The following CACNA1A variants were observed in gnomAD, a reference collection of about 807,000 sequenced individuals.
CACNA1A encodes calcium voltage-gated channel subunit alpha1 A, also known as voltage-dependent P/Q-type calcium channel subunit alpha-1A.
Under a neutral mutation model 262.4 loss-of-function variants are expected in CACNA1A, and 57 were observed. The ratio of observed to expected loss-of-function variants is 0.22; its 90% CI spans 0.18 to 0.27. The LOEUF is 0.27. CACNA1A is among the 10% of genes least tolerant of loss of function. The pLI is 1.00. For synonymous variants in CACNA1A, 1,431 were observed against 1,419.3 expected (o/e 1.01, Z -0.18); for missense variants, 2,526 against 3,562.8 (o/e 0.71, Z 7.41).
rs41276886 is a variant in CACNA1A at position 13,317,310 on chromosome 19, C to T, written c.1357G>A (p.Ala453Thr). 5.0e-3 allele frequency: 8,038 copies of T among 1,600,748 alleles called. 32 individuals carry two copies. Among genetic ancestry groups the T allele is most frequent in the Non-Finnish European group, 5.5e-3 (6,392 of 1,169,006 alleles). ...ADIASVGSPF[A>T]RASIKSAKLE... ...TTGGCACTTTTAATGCTGGCTCGGGCGAAGGGAGAACCTGCCAGGGAAAAG... is the reference window on the plus strand; with the variant it reads ...TTGGCACTTTTAATGCTGGCTCGGGTGAAGGGAGAACCTGCCAGGGAAAAG... Residue 453 changes from alanine to threonine, a missense_variant, in exon 11 of 47, where the codon GCC (alanine) becomes ACC (threonine). Physicochemically the swap from Ala to Thr is moderately conservative, Grantham distance 58. Around this residue, in one of 17 missense-constraint regions of CACNA1A, gnomAD observed 104 missense variants for 127.6 expected, o/e 0.81. Transcript: ENST00000360228.
intron 2 of CACNA1A, 140 bp from the exon 3 acceptor site, chr19:13,453,155 T>A: frequency 1.2e-6 from 1 of 800,462 alleles, no homozygotes; most frequent in Non-Finnish European, 2.0e-6. Flanking sequence ...CCTCACTGCC[T>A]CTTGCAGAGT....
intron 10 of CACNA1A, among the ~76,000 whole-genome samples, chr19:13,319,525 C>G (rs567039228): frequency 9.7e-4 from 148 of 152,244 alleles, no homozygotes; most frequent in African/African-American, 3.5e-3. Flanking sequence ...TCAAAACCAC[C>G]CCACTTGCCA....
chr19:13,312,844 G>C, intron 11 of CACNA1A, 63 bp from the exon 12 acceptor site: 2 of 781,032 alleles, frequency 2.6e-6, no homozygotes, highest in Non-Finnish European at 4.1e-6. Context: ...GGTTCCAGGT[G>C]GCTCTGACTT....
intron 24 of CACNA1A, chr19:13,272,630 A>T (rs932566127): frequency 6.6e-6 from 1 of 152,244 alleles, no homozygotes; most frequent in African/African-American, 2.4e-5. Flanking sequence ...AGAGGAAAAT[A>T]AAAAGATAGA....
intron 30 of CACNA1A, among the ~76,000 whole-genome samples, chr19:13,245,908 G>A (rs1332890452): frequency 6.6e-6 from 1 of 152,154 alleles, no homozygotes; most frequent in African/African-American, 2.4e-5. Context: ...CTGACCTCAA[G>A]TGATCTGCTC....
intron 24 of CACNA1A, chr19:13,273,317 T>G (rs4926252): frequency 0.48 from 73,442 of 151,922 alleles, 18,332 homozygotes; most frequent in East Asian, 0.62. Flanking sequence ...AAATCATTTT[T>G]TGTGTGTGTG....
intron 36 of CACNA1A, chr19:13,228,791 G>T: frequency 6.3e-7 from 1 of 1,578,254 alleles, no homozygotes; most frequent in South Asian, 1.1e-5. Context: ...TAATGAATCC[G>T]ACCGCTGAAA....
chr19:13,402,871 C>CATATAT (rs1483072251), intron 3 of CACNA1A, among the ~76,000 whole-genome samples: 1 of 64,212 alleles, frequency 1.6e-5, no homozygotes, highest in African/African-American at 8.9e-5. Flanking sequence ...CACACACACA[C>CATATAT]ACATATATAT....
intron 8 of CACNA1A, 69 bp downstream of exon 8, chr19:13,334,309 T>G: frequency 1.1e-6 from 1 of 883,188 alleles, no homozygotes; most frequent in South Asian, 1.3e-5. Context: ...TTCTCCAAAC[T>G]GCATGACTCT....
rs1394628574 is a variant in CACNA1A at position 13,386,779 on chromosome 19, C to T, written c.540-15000G>A. Among the ~76,000 whole-genome samples the T allele has an allele frequency of 1.5e-4, 23 of 151,868 alleles. 1 individual carries two copies. In the East Asian group the frequency reaches 3.3e-3, roughly 22 times the overall value. On this transcript the variant is annotated intron_variant, in intron 3 of 46. Coordinates refer to ENST00000360228, the MANE Select transcript of CACNA1A (RefSeq NM_001127222.2). ...CTGCACTCCAGCCTGGGCGACAGAG[C>T]GGGACTCTGTCTGAAGGAAAAAAAG... is the stretch of plus-strand genomic sequence containing the variant.
intron 24 of CACNA1A, among the ~76,000 whole-genome samples, chr19:13,263,772 T>C (rs2056797013): frequency 2.6e-5 from 4 of 151,560 alleles, no homozygotes; most frequent in Non-Finnish European, 5.9e-5. Context: ...CCACCCACCT[T>C]GGCCTCCCAA....
At chr19:13,388,242 C>CTT (rs1568597646) in intron 3 of CACNA1A, among the ~76,000 whole-genome samples, 1 of 128,380 alleles carries the variant, frequency 7.8e-6, no homozygotes, top group Non-Finnish European at 1.6e-5. Context: ...ATTTCTTCCT[C>CTT]TTCTTTTTTT....
intron 5 of CACNA1A, among the ~76,000 whole-genome samples, chr19:13,360,338 G>C (rs921349871): frequency 4.0e-5 from 6 of 150,656 alleles, no homozygotes; most frequent in Admixed American, 1.3e-4. Context: ...GAGAGAGAGC[G>C]AGAGAGAAGT....
chr19:13,212,053 C>T lies in CACNA1A; in HGVS notation c.6303+50G>A, dbSNP rs376767532. The T allele has an allele frequency of 9.4e-5, 128 of 1,363,028 alleles. No individual in the cohort carries two copies. In the African/African-American group the frequency reaches 9.9e-4, roughly 11 times the overall value. The allele number at this position is 1,363,028 out of a possible 1,614,324, so 84.4% of individuals were successfully genotyped here. A position where few individuals can be genotyped will look rare whatever the true frequency, so the allele number is the denominator to read the frequency against. On this transcript the variant is annotated intron_variant, in intron 43 of 46. Transcript: ENST00000360228. The surrounding 1 kb of genome is among the most constrained non-coding windows in gnomAD (Gnocchi z 5.6). ...TGCTTGTGGGGGGGCCTGGCCCTAC[C>T]CAGTGCAGAGTGAGGGGTCCAGCCC...
In CACNA1A at chr19:13,208,029, GGCT is replaced by G; in HGVS notation, c.6802_6804del (p.Ser2268del). On this transcript the variant is annotated inframe_deletion, in exon 47 of 47. Coordinates refer to ENST00000360228, the MANE Select transcript of CACNA1A (RefSeq NM_001127222.2). ...CTGGTACCAGATGTTGAGGGGGCTG[GGCT>G]TCCACTTACGGAACTACTGCCCTAC... The G allele has an allele frequency of 7.7e-7, 1 of 1,305,372 alleles. No individual in the cohort carries two copies. The highest frequency in any genetic ancestry group is 2.4e-5 in the South Asian group (1 of 41,770). The allele number at this position is 1,305,372 out of a possible 1,614,324, so 80.9% of individuals were successfully genotyped here.
chr19:13,389,937 C>T (rs546293447), intron 3 of CACNA1A, among the ~76,000 whole-genome samples: 36 of 152,152 alleles, frequency 2.4e-4, no homozygotes, highest in Middle Eastern at 3.4e-3. Context: ...CTCAGCCTCT[C>T]GAGTAGCTGG....
chr19:13,371,664 T>C (rs745531985), intron 4 of CACNA1A, 24 bp downstream of exon 4: 3 of 1,540,296 alleles, frequency 1.9e-6, no homozygotes, highest in African/African-American at 1.4e-5. Flanking sequence ...GCAAACCCCT[T>C]GTCAGGGTCG....
chr19:13,208,927 C>G lies in CACNA1A; in HGVS notation c.6609G>C (p.Lys2203Asn), dbSNP rs1276672646. Residue 2203 changes from lysine to asparagine, a missense_variant, in exon 46 of 47, where the codon AAG (lysine) becomes AAC (asparagine). Lys to Asn is a moderately conservative substitution (Grantham distance 94, BLOSUM62 0). Around this residue, in one of 17 missense-constraint regions of CACNA1A, gnomAD observed 929 missense variants for 868.1 expected, o/e 1.07. Transcript: ENST00000360228. ...GGTGGTGCTGTCGATGCTTCCGATCCTTGGGCCGGCCCCGCTCCTGGTCCC... is the reference window on the plus strand; with the variant it reads ...GGTGGTGCTGTCGATGCTTCCGATCGTTGGGCCGGCCCCGCTCCTGGTCCC... ...KERDQERGRP[K>N]DRKHRQHHHH... 5 of 1,537,406 alleles carry G rather than the reference C, an allele frequency of 3.3e-6. No homozygotes were observed. Among genetic ancestry groups the G allele is most frequent in the Non-Finnish European group, 4.4e-6 (5 of 1,146,872 alleles).
At chr19:13,457,504 G>C (rs1260614603) in intron 1 of CACNA1A, among the ~76,000 whole-genome samples, 1 of 152,154 alleles carries the variant, frequency 6.6e-6, no homozygotes, top group African/African-American at 2.4e-5. Context: ...GTGGGTGAAT[G>C]GATAAACAAA....
Sources: allele counts gnomAD v4.1 joint callset (sites outside exome capture counted in the v4.1 genomes callset), GRCh38; gene constraint gnomAD v4.1.1; regional missense constraint gnomAD v4.1.1; non-coding constraint Gnocchi (gnomAD v3.1); transcripts MANE v1.5; gene names NCBI Gene and HGNC (gene_info 2026-07-23, HGNC 2026-07-21).